NOX4: variants seen among roughly 807,000 people sequenced by gnomAD.
The protein encoded by NOX4 is NADPH oxidase 4, also known as kidney oxidase-1.
Under a neutral mutation model 87.6 loss-of-function variants are expected in NOX4, and 69 were observed. The ratio of observed to expected loss-of-function variants is 0.79; its 90% CI spans 0.65 to 0.96. The LOEUF (loss-of-function observed/expected upper bound fraction) is 0.96. Among genes scored for constraint, NOX4 ranks in the 40% least tolerant of loss-of-function variants. The pLI, the probability that NOX4 is intolerant of heterozygous loss-of-function variation, is 0.00. For synonymous variants in NOX4, 275 were observed against 238.2 expected, an observed-to-expected ratio of 1.15 and a Z score of -1.42; for missense variants, 680 against 681.5, an observed-to-expected ratio of 1.00 and a Z score of 0.02.
Position 89,403,745 on chromosome 11 carries a change from AAAAT to A in NOX4, c.630-1207_630-1204del, listed in dbSNP as rs1942011442. 2.0e-5 allele frequency among the ~76,000 whole-genome samples: 3 copies of A among 152,184 alleles called. 1 individual carries two copies. Among genetic ancestry groups the A allele is most frequent in the Admixed American group, 1.3e-4 (2 of 15,270 alleles). On this transcript the variant is annotated intron_variant, in intron 8 of 17. Transcript: ENST00000263317. Reference sequence around the variant, plus strand: ...ACAATAAGAGCGAAACTCCGTCTCAAAAATAAATAAATAACAGCTATGATGCTTT... The same window carrying A: ...ACAATAAGAGCGAAACTCCGTCTCAAAAATAAATAACAGCTATGATGCTTT...
chr11:89,455,714 G>A (rs1336228592), intron 2 of NOX4, among the ~76,000 whole-genome samples: 2 of 90,666 alleles, frequency 2.2e-5, no homozygotes, highest in Non-Finnish European at 4.1e-5. Context: ...TCAAGAAGAT[G>A]AAGTCATATA....
At chr11:89,425,713 C>T (rs1391913652) in intron 7 of NOX4, among the ~76,000 whole-genome samples, 4 of 152,034 alleles carry the variant, frequency 2.6e-5, no homozygotes, top group Admixed American at 6.6e-5. Flanking sequence ...TATAAAAATA[C>T]ACTACATATG....
intron 4 of NOX4, among the ~76,000 whole-genome samples, chr11:89,449,099 A>T (rs564587114): frequency 3.3e-5 from 5 of 152,206 alleles, no homozygotes; most frequent in Admixed American, 1.3e-4. Context: ...CCTGTAGACA[A>T]CCCTTTTCAA....
At chr11:89,394,453 A>G (rs149398187) in intron 11 of NOX4, among the ~76,000 whole-genome samples, 14,079 of 152,052 alleles carry the variant, frequency 0.093, 793 homozygotes, top group South Asian at 0.19. Context: ...TGAAGAAATG[A>G]TTTTCAAAAT....
intron 11 of NOX4, among the ~76,000 whole-genome samples, chr11:89,381,496 C>A (rs556799721): frequency 2.6e-5 from 4 of 152,074 alleles, no homozygotes; most frequent in Admixed American, 6.6e-5. Context: ...AGAACAACCC[C>A]CTTTAACTGT....
intron 2 of NOX4, among the ~76,000 whole-genome samples, chr11:89,485,845 T>A (rs1946568908): frequency 6.6e-6 from 1 of 152,072 alleles, no homozygotes; most frequent in African/African-American, 2.4e-5. Flanking sequence ...TTTTTCCTCT[T>A]AGCTAATTTT....
intron 2 of NOX4, among the ~76,000 whole-genome samples, chr11:89,465,622 C>G (rs113991566): frequency 0.058 from 8,832 of 152,166 alleles, 793 homozygotes; most frequent in African/African-American, 0.2. Flanking sequence ...TCTATTTCTC[C>G]ACATCTTCTC....
chr11:89,560,126 C>A, the NOX4 span, among the ~76,000 whole-genome samples: 1 of 152,100 alleles, frequency 6.6e-6, no homozygotes, highest in East Asian at 1.9e-4. Flanking sequence ...CACAGACACA[C>A]ACACACACGT....
At chr11:89,529,180 CT>C in the NOX4 span, among the ~76,000 whole-genome samples, 2 of 152,178 alleles carry the variant, frequency 1.3e-5, no homozygotes, top group African/African-American at 2.4e-5. Flanking sequence ...AATTCTGTGT[CT>C]GATGTTGCAT....
At chr11:89,346,983 C>T in intron 13 of NOX4, among the ~76,000 whole-genome samples, 1 of 152,178 alleles carries the variant, frequency 6.6e-6, no homozygotes, top group Non-Finnish European at 1.5e-5. Context: ...ATTCTTATAA[C>T]TACATTCCAC....
chr11:89,386,253 A>C (rs1940692913), intron 11 of NOX4, among the ~76,000 whole-genome samples: 1 of 151,912 alleles, frequency 6.6e-6, no homozygotes, highest in South Asian at 2.1e-4. Flanking sequence ...CACCCCAAAA[A>C]TTTGTCATCC....
At chr11:89,530,879 C>T in the NOX4 span, among the ~76,000 whole-genome samples, 1 of 152,030 alleles carries the variant, frequency 6.6e-6, no homozygotes, top group Non-Finnish European at 1.5e-5. Flanking sequence ...GGAAGCTAAA[C>T]CGTAGAGAAA....
At chr11:89,575,189 A>G in the NOX4 span, among the ~76,000 whole-genome samples, 3 of 152,184 alleles carry the variant, frequency 2.0e-5, no homozygotes. Flanking sequence ...ATCTAAAAAA[A>G]AAAAAAAGAT....
chr11:89,457,276 G>A (rs946941683), intron 2 of NOX4, among the ~76,000 whole-genome samples: 1 of 152,192 alleles, frequency 6.6e-6, no homozygotes, highest in Non-Finnish European at 1.5e-5. Context: ...TGATGCAGGA[G>A]TGCCCTGTTA....
chr11:89,364,658 A>G (rs1335462538), intron 12 of NOX4, among the ~76,000 whole-genome samples: 6 of 152,114 alleles, frequency 3.9e-5, no homozygotes, highest in African/African-American at 9.7e-5. Context: ...AATAAGCAAC[A>G]TAAAAATCCT....
chr11:89,536,769 C>A, the NOX4 span, among the ~76,000 whole-genome samples: 1 of 152,040 alleles, frequency 6.6e-6, no homozygotes, highest in Non-Finnish European at 1.5e-5. Context: ...CTATGTCTGG[C>A]GTAAGGTGAA....
chr11:89,419,154 C>G (rs1942953301), intron 8 of NOX4, among the ~76,000 whole-genome samples: 1 of 152,110 alleles, frequency 6.6e-6, no homozygotes, highest in African/African-American at 2.4e-5. Context: ...ATATATTGCT[C>G]TTCTTTACCT....
intron 11 of NOX4, among the ~76,000 whole-genome samples, chr11:89,375,355 G>A (rs1939756903): frequency 6.6e-6 from 1 of 151,914 alleles, no homozygotes; most frequent in South Asian, 2.1e-4. Context: ...ACCCAGGCTG[G>A]AGTGCAGTGG....
chr11:89,553,345 G>A, the NOX4 span, among the ~76,000 whole-genome samples: 1,110 of 152,128 alleles, frequency 7.3e-3, 16 homozygotes, highest in African/African-American at 0.025. Flanking sequence ...TAAGTTTCTG[G>A]CAGTTTCCCC....
Sources: gnomAD v4.1 joint callset for allele counts (sites outside exome capture counted in the v4.1 genomes callset) on GRCh38, gnomAD v4.1.1 for gene constraint, MANE v1.5 for transcripts, NCBI Gene and HGNC (gene_info 2026-07-23, HGNC 2026-07-21) for gene names.